NCS1: variants seen among roughly 807,000 people sequenced by gnomAD.
NCS1 encodes the protein neuronal calcium sensor 1.
A neutral mutation model predicts 28.4 loss-of-function variants in NCS1; 6 were observed. That is an observed-to-expected ratio of 0.21 (90% confidence interval 0.12 to 0.42). The LOEUF is 0.42. Ranked by LOEUF, NCS1 falls within the 10% of genes least tolerant of loss-of-function variation. The pLI, the probability that NCS1 is intolerant of heterozygous loss-of-function variation, is 1.00. For missense variants in NCS1, 131 were observed against 241.4 expected (o/e 0.54, Z 3.03); for synonymous variants, 86 against 99.3 (o/e 0.87, Z 0.79).
intron 2 of NCS1, among the ~76,000 whole-genome samples, chr9:130,205,820 T>G (rs1338659723): frequency 1.3e-5 from 2 of 149,182 alleles, no homozygotes; most frequent in African/African-American, 5.0e-5. Context: ...GGTGACAGAG[T>G]GAGACCCTGT....
At chr9:130,223,655 A>G (rs1554910935) in intron 6 of NCS1, among the ~76,000 whole-genome samples, 1 of 152,160 alleles carries the variant, frequency 6.6e-6, no homozygotes, top group Non-Finnish European at 1.5e-5. Context: ...AGGGTGTGTT[A>G]TGAAAATACC....
intron 1 of NCS1, among the ~76,000 whole-genome samples, chr9:130,189,879 A>AATATATATATATATAT (rs1203988125): frequency 2.1e-4 from 8 of 37,744 alleles, no homozygotes; most frequent in African/African-American, 9.3e-4. Flanking sequence ...AAAAAAAAAA[A>AATATATATATATATAT]ATATATATAT....
At chr9:130,172,889 G>A in intron 1 of NCS1, among the ~76,000 whole-genome samples, 162 bp downstream of exon 1, 1 of 147,966 alleles carries the variant, frequency 6.8e-6, no homozygotes, top group Non-Finnish European at 1.5e-5. Context: ...TTCCCGGGCC[G>A]CGCCCCTGCC....
At chr9:130,227,860 A>G (rs548803731) in intron 7 of NCS1, among the ~76,000 whole-genome samples, 3 of 152,344 alleles carry the variant, frequency 2.0e-5, no homozygotes, top group Admixed American at 6.5e-5. Flanking sequence ...GGGTTTGCCC[A>G]GGTCTATCCT....
rs1554904497 is a variant in NCS1 at position 130,175,330 on chromosome 9, A to C, written c.64+2603A>C. On this transcript the variant is annotated intron_variant, in intron 1 of 7. Transcript: ENST00000372398. This position sits in a 1 kb window ranked among gnomAD's most constrained non-coding sequence, Gnocchi z 4.9. ...AGCCATCTGCTCTTTGTTCTGGGGG[A>C]TTCTGTGTATGGGGTCAAGAGAAGC... Among the ~76,000 whole-genome samples the C allele has an allele frequency of 6.6e-6, 1 of 151,712 alleles. No homozygotes were observed. The highest frequency in any genetic ancestry group is 6.6e-5 in the Admixed American group (1 of 15,232).
At chr9:130,223,385 T>A (rs1297593832) in intron 6 of NCS1, among the ~76,000 whole-genome samples, 1 of 146,620 alleles carries the variant, frequency 6.8e-6, no homozygotes, top group South Asian at 2.2e-4. Flanking sequence ...GTCCTTAGCC[T>A]TTTTTTTTTG....
At chr9:130,216,532 A>G (rs1274111777) in intron 2 of NCS1, among the ~76,000 whole-genome samples, 1 of 152,166 alleles carries the variant, frequency 6.6e-6, no homozygotes, top group Non-Finnish European at 1.5e-5. Flanking sequence ...CCTGGCCAAC[A>G]TGGCAAAACC....
chr9:130,190,434 G>A (rs1297773960), intron 1 of NCS1, among the ~76,000 whole-genome samples: 4 of 152,084 alleles, frequency 2.6e-5, no homozygotes, highest in East Asian at 1.9e-4. Flanking sequence ...AGGTTTTATC[G>A]CCCTTAGTTT....
chr9:130,201,670 T>C (rs550994488), intron 2 of NCS1, among the ~76,000 whole-genome samples: 1 of 152,006 alleles, frequency 6.6e-6, no homozygotes, highest in Non-Finnish European at 1.5e-5. Flanking sequence ...AGCTTGGAGA[T>C]TTTCCAGTCA....
intron 3 of NCS1, among the ~76,000 whole-genome samples, chr9:130,218,524 T>C (rs2131151309): frequency 6.6e-6 from 1 of 152,260 alleles, no homozygotes; most frequent in South Asian, 2.1e-4. Flanking sequence ...ATACCTCCCA[T>C]GATAATAACA....
intron 1 of NCS1, among the ~76,000 whole-genome samples, chr9:130,190,449 G>C (rs1358733410): frequency 6.6e-6 from 1 of 152,086 alleles, no homozygotes; most frequent in African/African-American, 2.4e-5. Flanking sequence ...TAGTTTTCTG[G>C]TGAGAAAACC....
At chr9:130,210,636 A>G (rs1833100651) in intron 2 of NCS1, among the ~76,000 whole-genome samples, 1 of 151,914 alleles carries the variant, frequency 6.6e-6, no homozygotes, top group South Asian at 2.1e-4. Flanking sequence ...GTCCAGGCCC[A>G]CTCAGGGGTC....
Position 130,199,712 on chromosome 9 carries a change from T to A in NCS1, c.65-1246T>A, listed in dbSNP as rs146133645. Among the ~76,000 whole-genome samples, 49 of 152,324 alleles carry A rather than the reference T, an allele frequency of 3.2e-4. 1 individual carries two copies. The highest frequency in any genetic ancestry group is 1.2e-3 in the African/African-American group (49 of 41,580). ...CAGATTCGGGCTTGCGGCAGGCTCT[T>A]GGTATTTGGCAGCTGTTGCGAGCTT... On this transcript the variant is annotated intron_variant, in intron 1 of 7. Transcript: ENST00000372398.
Position 130,172,747 on chromosome 9 carries a change from A to G in NCS1, c.64+20A>G. 3 of 1,298,284 alleles carry G rather than the reference A, an allele frequency of 2.3e-6. No individual in the cohort carries two copies. Among genetic ancestry groups the G allele is most frequent in the Non-Finnish European group, 3.0e-6 (3 of 995,524 alleles). The allele number at this position is 1,298,284 out of a possible 1,614,324, so 80.4% of individuals were successfully genotyped here. On this transcript the variant is annotated intron_variant, in intron 1 of 7. Coordinates refer to ENST00000372398, the MANE Select transcript of NCS1 (RefSeq NM_014286.4). ...CCTACTGTGAGTGCTCCCAGCCCCC[A>G]GCCCGCGCCCCGCGGTCACCCCCAC...
At chr9:130,196,415 G>A (rs531411758) in intron 1 of NCS1, among the ~76,000 whole-genome samples, 3 of 152,194 alleles carry the variant, frequency 2.0e-5, no homozygotes, top group Non-Finnish European at 4.4e-5. Flanking sequence ...GGCTGCAGGC[G>A]TCTTGACCCT....
At chr9:130,187,418 C>T (rs145653132) in intron 1 of NCS1, among the ~76,000 whole-genome samples, 32 of 152,254 alleles carry the variant, frequency 2.1e-4, no homozygotes, top group African/African-American at 6.5e-4. Flanking sequence ...GGGCCAGAGC[C>T]GGAGTCAGGG....
Position 130,233,233 on chromosome 9 carries a change from C to G in NCS1, c.*261C>G, listed in dbSNP as rs530291792. 6.6e-6 allele frequency: 1 copy of G among 152,410 alleles called. No individual in the cohort carries two copies. Among genetic ancestry groups the G allele is most frequent in the East Asian group, 1.9e-4 (1 of 5,164 alleles). 9.4% of individuals were successfully genotyped at this position (152,410 alleles called of 1,614,324 possible). A position where few individuals can be genotyped will look rare whatever the true frequency, so the allele number is the denominator to read the frequency against. ...ACGAAATGGAAAAGGCTACAGCCCTCTGCATAAACCAAGGACTTGGCTGCC... is the reference window on the plus strand; with the variant it reads ...ACGAAATGGAAAAGGCTACAGCCCTGTGCATAAACCAAGGACTTGGCTGCC... On this transcript the variant is annotated 3_prime_UTR_variant, in exon 8 of 8. Coordinates refer to ENST00000372398, the MANE Select transcript of NCS1 (RefSeq NM_014286.4). This position sits in a 1 kb window ranked among gnomAD's most constrained non-coding sequence, Gnocchi z 4.8.
intron 1 of NCS1, among the ~76,000 whole-genome samples, chr9:130,188,152 T>C (rs955792716): frequency 2.0e-5 from 3 of 152,252 alleles, no homozygotes; most frequent in Non-Finnish European, 4.4e-5. Context: ...GTTAACATTT[T>C]GGGATACTTG....
intron 3 of NCS1, 27 bp downstream of exon 3, chr9:130,217,997 G>C: frequency 6.2e-7 from 1 of 1,613,798 alleles, no homozygotes; most frequent in Non-Finnish European, 8.5e-7. Flanking sequence ...TGGGGCCTGC[G>C]GCAGCTGGCT....
Sources: allele counts gnomAD v4.1 joint callset (sites outside exome capture counted in the v4.1 genomes callset), GRCh38; gene constraint gnomAD v4.1.1; non-coding constraint Gnocchi (gnomAD v3.1); transcripts MANE v1.5; gene names NCBI Gene and HGNC (gene_info 2026-07-23, HGNC 2026-07-21).